The following CFAP99 variants were observed in gnomAD, a reference collection of about 807,000 sequenced individuals.
CFAP99 encodes cilia and flagella associated protein 99, also known as cilia- and flagella-associated protein 99.
In CFAP99, 84 loss-of-function variants were observed where a neutral mutation model predicts 82.7. The observed-to-expected ratio is 1.02, with a 90% CI of 0.85 to 1.22. The LOEUF (loss-of-function observed/expected upper bound fraction) is 1.22, where lower values mean the gene tolerates loss of function less well. CFAP99 is among the 50% of genes most tolerant of loss of function. The pLI is 0.00. For synonymous variants in CFAP99, 456 were observed against 429.5 expected (o/e 1.06, Z -0.76); for missense variants, 1,059 against 983.5 (o/e 1.08, Z -1.03).
intron 14 of CFAP99, among the ~76,000 whole-genome samples, chr4:2,461,304 C>T (rs1734615328): frequency 6.6e-6 from 1 of 152,146 alleles, no homozygotes; most frequent in South Asian, 2.1e-4. Flanking sequence ...AGTAGAGCCT[C>T]GTTCAGAGCC....
At chr4:2,430,610 C>G (rs746398034) in intron 2 of CFAP99, among the ~76,000 whole-genome samples, 10 of 152,236 alleles carry the variant, frequency 6.6e-5, no homozygotes, top group Admixed American at 2.0e-4. Context: ...CGGTGAAAGG[C>G]AGTGTTTTGG....
intron 8 of CFAP99, 26 bp downstream of exon 8, chr4:2,450,031 A>G: frequency 2.6e-6 from 4 of 1,533,640 alleles, no homozygotes; most frequent in Non-Finnish European, 3.5e-6. Context: ...CTCAAGACCC[A>G]TCATCGAGGT....
chr4:2,451,738 GTGGGGGGA>G, intron 10 of CFAP99, among the ~76,000 whole-genome samples: 1 of 9,024 alleles, frequency 1.1e-4, no homozygotes, highest in Non-Finnish European at 2.8e-4. Context: ...AAGTCAGGCT[GTGGGGGGA>G]GCATGGGTGT....
rs747638618 is a variant in CFAP99 at position 2,451,183 on chromosome 4, C to T, written c.868-81C>T. 1.0e-3 allele frequency: 1,516 copies of T among 1,491,324 alleles called. 14 individuals are homozygous for T. Among genetic ancestry groups the T allele is most frequent in the Middle Eastern group, 8.6e-4 (5 of 5,834 alleles). The allele number at this position is 1,491,324 out of a possible 1,614,324, so 92.4% of individuals were successfully genotyped here. On this transcript the variant is annotated intron_variant, in intron 9 of 14. Coordinates refer to ENST00000635017, the Ensembl canonical transcript of CFAP99. ...GCACCTGGGCAGGGGGCAGGTGTGACGGGCATGAGGGCAGGATGGGCATTT... is the reference window on the plus strand; with the variant it reads ...GCACCTGGGCAGGGGGCAGGTGTGATGGGCATGAGGGCAGGATGGGCATTT...
intron 1 of CFAP99, among the ~76,000 whole-genome samples, chr4:2,422,291 C>T (rs1207316063): frequency 2.0e-5 from 3 of 152,196 alleles, no homozygotes; most frequent in African/African-American, 4.8e-5. Context: ...CAGGGACCTT[C>T]AGGCCGGACA....
At chr4:2,444,241 T>C (rs1465781361) in intron 5 of CFAP99, among the ~76,000 whole-genome samples, 1 of 152,158 alleles carries the variant, frequency 6.6e-6, no homozygotes, top group East Asian at 1.9e-4. Context: ...GGGGCCCCCA[T>C]GGCCTGGGCC....
intron 2 of CFAP99, among the ~76,000 whole-genome samples, chr4:2,431,565 A>G (rs1255986411): frequency 6.6e-6 from 1 of 152,098 alleles, no homozygotes; most frequent in African/African-American, 2.4e-5. Context: ...TGTTCTTGCT[A>G]TGAGAGTAAT....
At chr4:2,438,675 C>T (rs1410465399) in intron 4 of CFAP99, among the ~76,000 whole-genome samples, 2 of 152,036 alleles carry the variant, frequency 1.3e-5, no homozygotes, top group African/African-American at 4.8e-5. Context: ...GAGGCTGAAG[C>T]GGGAGGATCA....
In CFAP99 at chr4:2,462,653, C is replaced by T; in HGVS notation, c.1872C>T (p.Ala624=). 7.8e-7 allele frequency: 1 copy of T among 1,280,790 alleles called. No individual in the cohort carries two copies. The highest frequency in any genetic ancestry group is 2.5e-5 in the South Asian group (1 of 40,304). 79.3% of individuals were successfully genotyped at this position (1,280,790 alleles called of 1,614,324 possible). ...AGCCCGGGCGACTGAAAGCCGGGGC[C>T]GGGTGGGGATGGCGGGCGCGGCGCG... Residue 624 remains alanine (A), a synonymous_variant, in exon 15 of 15, where the codon GCC becomes GCT. Transcript: ENST00000635017. This position sits in a 1 kb window ranked among gnomAD's most constrained non-coding sequence, Gnocchi z 4.1.
At chr4:2,439,036 C>T (rs564539906) in intron 4 of CFAP99, among the ~76,000 whole-genome samples, 9 of 152,266 alleles carry the variant, frequency 5.9e-5, no homozygotes, top group East Asian at 1.9e-4. Flanking sequence ...GGGCCACTTG[C>T]GTGGGAAGCT....
intron 4 of CFAP99, among the ~76,000 whole-genome samples, chr4:2,441,481 A>G (rs909027807): frequency 8.5e-5 from 13 of 152,102 alleles, no homozygotes; most frequent in African/African-American, 3.1e-4. Flanking sequence ...AGAGCCCCAA[A>G]GCGCCAGCCC....
intron 11 of CFAP99, among the ~76,000 whole-genome samples, chr4:2,453,987 T>TCTTTTGG (rs1560388561): frequency 6.6e-6 from 1 of 151,550 alleles, no homozygotes; most frequent in African/African-American, 2.4e-5. Flanking sequence ...CTAATTTTTG[T>TCTTTTGG]TTTTTGGTTT....
In CFAP99 at chr4:2,448,774, C is replaced by T. The variant is rs1734226447; in HGVS notation, c.643-896C>T. 6.6e-6 allele frequency among the ~76,000 whole-genome samples: 1 copy of T among 152,190 alleles called. No individual in the cohort carries two copies. Among genetic ancestry groups the T allele is most frequent in the African/African-American group, 2.4e-5 (1 of 41,444 alleles). On this transcript the variant is annotated intron_variant, in intron 6 of 14. Coordinates refer to ENST00000635017, the Ensembl canonical transcript of CFAP99. The surrounding 1 kb of genome is among the most constrained non-coding windows in gnomAD (Gnocchi z 5.2). The stretch of plus-strand genomic sequence containing the variant: ...GGAAGGCGGGGTACCGGTCTGGTCA[C>T]ACATCCACTGGAGGGAGCAGAGACA...
intron 4 of CFAP99, among the ~76,000 whole-genome samples, chr4:2,441,146 G>A (rs1734028731): frequency 3.3e-5 from 5 of 151,666 alleles, no homozygotes; most frequent in Admixed American, 1.3e-4. Flanking sequence ...CGAAGTGGGT[G>A]TATCCCTTGA....
chr4:2,430,261 C>G (rs71606396), intron 2 of CFAP99, among the ~76,000 whole-genome samples: 3 of 51,706 alleles, frequency 5.8e-5, no homozygotes, highest in African/African-American at 1.1e-4. Flanking sequence ...GTAAACCAAA[C>G]GGCAGACTGC....
chr4:2,462,963 C>CCCCT, downstream of CFAP99: 1 of 1,141,402 alleles, frequency 8.8e-7, no homozygotes, highest in Non-Finnish European at 1.1e-6. The surrounding 1 kb of genome is among the most constrained non-coding windows in gnomAD (Gnocchi z 4.1). Flanking sequence ...TGCGGGCCAC[C>CCCCT]CCCTACACCC....
At chr4:2,455,698 A>G (rs1235691920) in intron 11 of CFAP99, among the ~76,000 whole-genome samples, 1 of 152,196 alleles carries the variant, frequency 6.6e-6, no homozygotes, top group Admixed American at 6.5e-5. Flanking sequence ...AATAAAAAAA[A>G]GAAAATGCCG....
chr4:2,462,874 T>C lies in CFAP99; in HGVS notation c.2093T>C (p.Leu698Pro). The C allele has an allele frequency of 1.4e-6, 2 of 1,387,518 alleles. No homozygotes were observed. The highest frequency in any genetic ancestry group is 1.6e-5 in the South Asian group (1 of 64,180). The allele number at this position is 1,387,518 out of a possible 1,614,324, so 86.0% of individuals were successfully genotyped here. ...AGCCGCGAGCGCAGGCTGCAGGCGC[T>C]GCAGCAGGGAGGCTCAGGACCCGGG... Residue 698 changes from leucine (L) to proline (P), a missense_variant, in exon 15 of 15, where the codon CTG (leucine) becomes CCG (proline). Physicochemically the swap from Leu to Pro is moderately conservative, Grantham distance 98. Transcript: ENST00000635017. This position sits in a 1 kb window ranked among gnomAD's most constrained non-coding sequence, Gnocchi z 4.1.
chr4:2,430,077 G>A, intron 2 of CFAP99, among the ~76,000 whole-genome samples: 1 of 151,912 alleles, frequency 6.6e-6, no homozygotes, highest in East Asian at 1.9e-4. Flanking sequence ...CCAAACGGCA[G>A]ACTGCGGACA....
Sources: allele counts gnomAD v4.1 joint callset (sites outside exome capture counted in the v4.1 genomes callset), GRCh38; gene constraint gnomAD v4.1.1; non-coding constraint Gnocchi (gnomAD v3.1); transcripts MANE v1.5; gene names NCBI Gene and HGNC (gene_info 2026-07-23, HGNC 2026-07-21).